Variants in SLCO3A1 observed in about 807,000 individuals in gnomAD.
The protein encoded by SLCO3A1 is PGE1 transporter.
SLCO3A1 carries 27 observed loss-of-function variants against 63.1 expected under a neutral mutation model. The observed-to-expected ratio is 0.43, with a 90% CI of 0.32 to 0.59. SLCO3A1 has a LOEUF of 0.59. Ranked by LOEUF, SLCO3A1 falls within the 20% of genes least tolerant of loss-of-function variation. The probability of loss-of-function intolerance (pLI) is 0.09; values close to 1 mark genes in which losing one functional copy is unlikely to be tolerated. For synonymous variants in SLCO3A1, 473 were observed against 409.9 expected, an observed-to-expected ratio of 1.15 and a Z score of -1.86; for missense variants, 773 against 945.8, an observed-to-expected ratio of 0.82 and a Z score of 2.40.
chr15:92,003,114 C>G (rs924934363), intron 2 of SLCO3A1, among the ~76,000 whole-genome samples: 2 of 152,154 alleles, frequency 1.3e-5, no homozygotes. Context: ...TCTTATGTAT[C>G]TTTACGTGCC....
chr15:92,000,990 GTCTA>G (rs1053716811), intron 2 of SLCO3A1, among the ~76,000 whole-genome samples: 1 of 152,054 alleles, frequency 6.6e-6, no homozygotes, highest in African/African-American at 2.4e-5. Context: ...TGATCAGTCT[GTCTA>G]TCTTTGTCTC....
chr15:92,130,832 ACTCC>A (rs2047983915), intron 7 of SLCO3A1, among the ~76,000 whole-genome samples: 1 of 127,622 alleles, frequency 7.8e-6, no homozygotes, highest in Non-Finnish European at 1.6e-5. Context: ...TGGTATGTGT[ACTCC>A]CTCCCTCGCC....
chr15:91,992,145 A>G (rs1315079649), intron 2 of SLCO3A1, among the ~76,000 whole-genome samples: 1 of 152,224 alleles, frequency 6.6e-6, no homozygotes, highest in Non-Finnish European at 1.5e-5. Flanking sequence ...TGGATTTATC[A>G]TGCTGTTGCC....
At chr15:92,159,517 A>C (rs113317618) in intron 9 of SLCO3A1, among the ~76,000 whole-genome samples, 2,123 of 151,764 alleles carry the variant, frequency 0.014, 33 homozygotes, top group African/African-American at 0.035. Context: ...TCTCTACCAC[A>C]AATGCACTCT....
Position 92,033,955 on chromosome 15 carries a change from G to T in SLCO3A1, c.647-60926G>T, listed in dbSNP as rs533455385. ...GGCGCATGGGTGGGACCCAGTGAGG[G>T]AGGGGGAGGAGCAGAATGAATGGGG... is the stretch of plus-strand genomic sequence containing the variant. On this transcript the variant is annotated intron_variant, in intron 2 of 9. Transcript: ENST00000318445. This position sits in a 1 kb window ranked among gnomAD's most constrained non-coding sequence, Gnocchi z 4.5. Among the ~76,000 whole-genome samples the T allele has an allele frequency of 1.3e-3, 201 of 152,078 alleles. No homozygotes were observed. The highest frequency in any genetic ancestry group is 4.8e-3 in the African/African-American group (200 of 41,492).
At chr15:91,915,508 A>G (rs1043691333) in intron 1 of SLCO3A1, among the ~76,000 whole-genome samples, 12 of 152,210 alleles carry the variant, frequency 7.9e-5, no homozygotes, top group African/African-American at 2.4e-4. Flanking sequence ...GGTTTTGTTA[A>G]GTTTGTTTTT....
At chr15:91,926,529 G>A (rs1051342834) in intron 2 of SLCO3A1, among the ~76,000 whole-genome samples, 1 of 149,026 alleles carries the variant, frequency 6.7e-6, no homozygotes, top group Admixed American at 6.7e-5. Context: ...CATTCCCAGC[G>A]TGGCTTTGCC....
intron 2 of SLCO3A1, among the ~76,000 whole-genome samples, chr15:91,923,586 C>T (rs1319973541): frequency 1.3e-5 from 2 of 152,154 alleles, no homozygotes; most frequent in Admixed American, 6.5e-5. Flanking sequence ...TCTAGCATGT[C>T]GCTTCTTAAT....
rs1231033930 is a variant in SLCO3A1 at position 91,859,112 on chromosome 15, G to A, written c.180+5024G>A. Among the ~76,000 whole-genome samples, 1 of 152,224 alleles carries A rather than the reference G, an allele frequency of 6.6e-6. No individual in the cohort carries two copies. Among genetic ancestry groups the A allele is most frequent in the African/African-American group, 2.4e-5 (1 of 41,468 alleles). ...ATTGCATATTTACATACGTGTTTGT[G>A]TACAGCGTTGCATACAATGAATATT... On this transcript the variant is annotated intron_variant, in intron 1 of 9. Coordinates refer to ENST00000318445, the MANE Select transcript of SLCO3A1 (RefSeq NM_013272.4). The surrounding 1 kb of genome is among the most constrained non-coding windows in gnomAD (Gnocchi z 5.1).
At position 91,875,324 on chromosome 15, in the gene SLCO3A1, C is replaced by G. The variant is rs540041570; in HGVS notation, c.180+21236C>G. On this transcript the variant is annotated intron_variant, in intron 1 of 9. Transcript: ENST00000318445. This position sits in a 1 kb window ranked among gnomAD's most constrained non-coding sequence, Gnocchi z 4.5. ...ACTCCTGCCTCCCTTTCCTCTGACC[C>G]TCCCCTCCCACTGTGGATCATGGTC... Among the ~76,000 whole-genome samples the G allele has an allele frequency of 1.3e-5, 2 of 152,302 alleles. No individual in the cohort carries two copies. Among genetic ancestry groups the G allele is most frequent in the East Asian group, 3.9e-4 (2 of 5,178 alleles).
intron 2 of SLCO3A1, among the ~76,000 whole-genome samples, chr15:91,970,041 CA>C (rs745497851): frequency 6.6e-6 from 1 of 151,950 alleles, no homozygotes; most frequent in African/African-American, 2.4e-5. Flanking sequence ...TGTTAAAAGG[CA>C]AAAAGGCTAT....
intron 2 of SLCO3A1, among the ~76,000 whole-genome samples, chr15:92,023,556 C>T (rs748103568): frequency 6.6e-6 from 1 of 151,960 alleles, no homozygotes; most frequent in Non-Finnish European, 1.5e-5. Flanking sequence ...GCAGCCTCTG[C>T]CTCCCGGGTT....
At chr15:92,038,941 A>C (rs1441399843) in intron 2 of SLCO3A1, among the ~76,000 whole-genome samples, 3 of 152,226 alleles carry the variant, frequency 2.0e-5, no homozygotes, top group Non-Finnish European at 4.4e-5. Context: ...GACCTCAGAA[A>C]TAACACCACA....
chr15:92,005,117 T>A (rs2046298523), intron 2 of SLCO3A1, among the ~76,000 whole-genome samples: 1 of 152,360 alleles, frequency 6.6e-6, no homozygotes, highest in Admixed American at 6.5e-5. Context: ...AAATAATTAG[T>A]TCAGTCTTCT....
intron 2 of SLCO3A1, among the ~76,000 whole-genome samples, chr15:92,077,848 A>C (rs930359544): frequency 6.6e-6 from 1 of 152,184 alleles, no homozygotes; most frequent in Non-Finnish European, 1.5e-5. Flanking sequence ...AAAGCCCTCA[A>C]CCTTCTGCTG....
At chr15:92,127,148 T>A (rs2151567102) in intron 6 of SLCO3A1, among the ~76,000 whole-genome samples, 1 of 152,258 alleles carries the variant, frequency 6.6e-6, no homozygotes, top group East Asian at 1.9e-4. Context: ...TCCTTCCCCT[T>A]TACACCATCA....
intron 2 of SLCO3A1, among the ~76,000 whole-genome samples, chr15:92,018,262 A>C (rs1288707897): frequency 1.3e-5 from 2 of 152,188 alleles, no homozygotes; most frequent in Non-Finnish European, 2.9e-5. Flanking sequence ...TGGCCAGGTC[A>C]CTTGGGTTTC....
At position 92,120,634 on chromosome 15, in the gene SLCO3A1, G is replaced by A. The variant is rs2047852122; in HGVS notation, c.1174+5G>A. 2 of 1,613,302 alleles carry A rather than the reference G, an allele frequency of 1.2e-6. No homozygotes were observed. The highest frequency in any genetic ancestry group is 2.2e-5 in the South Asian group (2 of 91,022). On this transcript the variant is annotated splice_donor_5th_base_variant and intron_variant, in intron 5 of 9. Transcript: ENST00000318445. ...CTTCTGCCAACCAGCTGCTTGGTGAGTGTGTCCTCAGGCCTCCTGAGAGGG... is the reference window on the plus strand; with the variant it reads ...CTTCTGCCAACCAGCTGCTTGGTGAATGTGTCCTCAGGCCTCCTGAGAGGG...
At chr15:91,938,134 C>T (rs1207030288) in intron 2 of SLCO3A1, among the ~76,000 whole-genome samples, 1 of 152,160 alleles carries the variant, frequency 6.6e-6, no homozygotes, top group Non-Finnish European at 1.5e-5. Flanking sequence ...ATTCAAATGC[C>T]ATCTCTGCCA....
Sources: allele counts gnomAD v4.1 joint callset (sites outside exome capture counted in the v4.1 genomes callset), GRCh38; gene constraint gnomAD v4.1.1; non-coding constraint Gnocchi (gnomAD v3.1); transcripts MANE v1.5; gene names NCBI Gene and HGNC (gene_info 2026-07-23, HGNC 2026-07-21).